Variants in SERPINB8 observed in about 807,000 individuals in gnomAD.
SERPINB8 encodes the protein serpin B8.
Under a neutral mutation model 35.3 loss-of-function variants are expected in SERPINB8, and 25 were observed. That is an observed-to-expected ratio of 0.71 (90% CI 0.52 to 0.99). The LOEUF is 0.99. Among genes scored for constraint, SERPINB8 ranks in the 50% least tolerant of loss-of-function variants. The pLI is 0.00. For synonymous variants in SERPINB8, 186 were observed against 160.8 expected (o/e 1.16, Z -1.19); for missense variants, 484 against 446.5 (o/e 1.08, Z -0.76).
intron 1 of SERPINB8, among the ~76,000 whole-genome samples, chr18:63,994,847 A>G (rs2050841120): frequency 1.3e-5 from 2 of 152,318 alleles, no homozygotes; most frequent in Non-Finnish European, 2.9e-5. Context: ...AAGCCCAGGT[A>G]AACCTCATAA....
At chr18:64,002,500 T>C (rs1285898051) in intron 1 of SERPINB8, among the ~76,000 whole-genome samples, 1 of 152,216 alleles carries the variant, frequency 6.6e-6, no homozygotes, top group Non-Finnish European at 1.5e-5. Context: ...AAAGCGTGGA[T>C]GAGTCCTTTG....
intron 6 of SERPINB8, chr18:63,986,314 A>G (rs1332935090): frequency 1.2e-6 from 2 of 1,608,076 alleles, no homozygotes; most frequent in Non-Finnish European, 8.5e-7. Flanking sequence ...CAGAGGACAA[A>G]CAAGGATGCT....
intron 7 of SERPINB8, among the ~76,000 whole-genome samples, chr18:64,011,581 T>C (rs1016586727): frequency 6.6e-6 from 1 of 152,206 alleles, no homozygotes; most frequent in African/African-American, 2.4e-5. Context: ...TATTTCATCA[T>C]TGGTGCCTAT....
chr18:64,008,401 C>T (rs906307881), downstream of SERPINB8, among the ~76,000 whole-genome samples: 17 of 151,722 alleles, frequency 1.1e-4, no homozygotes, highest in South Asian at 2.1e-4. Flanking sequence ...TGCCACCACG[C>T]GGGCTAATTT....
rs144984916 is a variant in SERPINB8 at position 63,971,165 on chromosome 18, C to T, written c.-11+995C>T. 5.3e-3 allele frequency among the ~76,000 whole-genome samples: 805 copies of T among 152,292 alleles called. 7 individuals carry two copies. Among genetic ancestry groups the T allele is most frequent in the African/African-American group, 0.018 (741 of 41,560 alleles). On this transcript the variant is annotated intron_variant, in intron 1 of 6. Transcript: ENST00000397985. ...GCTGGGTCTCAGTCTCCGTTTCGCGCGCGCGCTCTCCCCTCGCCCTCCTCT... is the reference window on the plus strand; with the variant it reads ...GCTGGGTCTCAGTCTCCGTTTCGCGTGCGCGCTCTCCCCTCGCCCTCCTCT...
Position 63,981,836 on chromosome 18 carries a change from A to C in SERPINB8, c.422A>C (p.Glu141Ala). The change falls in exon 4 of 7, where the codon GAA becomes GCA. Residue 141 changes from glutamate to alanine, a missense_variant and splice_region_variant. Physicochemically the swap from Glu to Ala is moderately radical, Grantham distance 107. Transcript: ENST00000397985. ...AATGACTGGGTGGCAGAGAAGACTG[A>C]AGGTGAGACAGTTTCATTTCTGTTG... Reference protein sequence around the residue: ...HINDWVAEKTEGKISEVLDAG... With the variant: ...HINDWVAEKTAGKISEVLDAG... 1 of 1,591,892 alleles carries C rather than the reference A, an allele frequency of 6.3e-7. No homozygotes were observed.
Position 63,987,387 on chromosome 18 carries a change from G to A in SERPINB8, c.*109G>A. 8.9e-7 allele frequency: 1 copy of A among 1,124,608 alleles called. No homozygotes were observed. The highest frequency in any genetic ancestry group is 1.3e-6 in the Non-Finnish European group (1 of 780,754). The allele number at this position is 1,124,608 out of a possible 1,614,324, so 69.7% of individuals were successfully genotyped here. The stretch of plus-strand genomic sequence containing the variant: ...TGGCTTGAATGCCAAAATAAAGCGT[G>A]TGCACTGGATAGTGTGTGAAAGTCT... On this transcript the variant is annotated 3_prime_UTR_variant, in exon 7 of 7. Coordinates refer to ENST00000397985, the MANE Select transcript of SERPINB8 (RefSeq NM_002640.4).
intron 4 of SERPINB8, among the ~76,000 whole-genome samples, chr18:63,982,087 A>G (rs577846832): frequency 3.3e-5 from 5 of 152,312 alleles, no homozygotes; most frequent in African/African-American, 9.6e-5. Flanking sequence ...AATCCCTGGA[A>G]AATGGCTCCT....
intron 1 of SERPINB8, among the ~76,000 whole-genome samples, chr18:63,974,775 G>T (rs962570466): frequency 6.6e-6 from 1 of 152,148 alleles, no homozygotes; most frequent in Non-Finnish European, 1.5e-5. Flanking sequence ...AAGACAGGGG[G>T]AAGAGTCATT....
intron 4 of SERPINB8, among the ~76,000 whole-genome samples, chr18:63,982,734 C>A (rs1599145023): frequency 1.3e-5 from 2 of 152,288 alleles, no homozygotes; most frequent in South Asian, 4.1e-4. Context: ...TTCTCCACAC[C>A]TTCCCCCCAC....
intron 7 of SERPINB8, among the ~76,000 whole-genome samples, chr18:64,011,428 A>G (rs1052973228): frequency 6.6e-6 from 1 of 152,152 alleles, no homozygotes; most frequent in African/African-American, 2.4e-5. Flanking sequence ...TCAATGTTGG[A>G]CAGATGAACA....
At position 63,989,162 on chromosome 18, in the gene SERPINB8, A is replaced by AGTAT. The variant is rs2050804749; in HGVS notation, c.*1886_*1889dup. ...GAACCATACATCATCTATGCTTTGT[A>AGTAT]GTATGACTCCTGTCACTCAGTACAA... On this transcript the variant is annotated 3_prime_UTR_variant, in exon 7 of 7. Transcript: ENST00000397985. 1.3e-5 allele frequency: 2 copies of AGTAT among 152,364 alleles called. 1 individual carries two copies. The highest frequency in any genetic ancestry group is 4.1e-4 in the South Asian group (2 of 4,832). 9.4% of individuals were successfully genotyped at this position (152,364 alleles called of 1,614,324 possible).
At chr18:63,983,747 T>A in intron 5 of SERPINB8, 26 bp downstream of exon 5, 1 of 1,536,324 alleles carries the variant, frequency 6.5e-7, no homozygotes, top group Non-Finnish European at 9.0e-7. Flanking sequence ...TCAGATATAC[T>A]GCTACTTTCT....
intron 7 of SERPINB8, among the ~76,000 whole-genome samples, chr18:64,017,050 A>G (rs1351393914): frequency 1.3e-5 from 2 of 152,182 alleles, no homozygotes; most frequent in Non-Finnish European, 2.9e-5. Context: ...CCCTCTTCCC[A>G]AGGCCTAACT....
chr18:63,987,452 G>A lies in SERPINB8; in HGVS notation c.*174G>A, dbSNP rs771749542. 36 of 686,932 alleles carry A rather than the reference G, an allele frequency of 5.2e-5. No individual in the cohort carries two copies. The highest frequency in any genetic ancestry group is 6.5e-5 in the South Asian group (3 of 46,106). The allele number at this position is 686,932 out of a possible 1,614,324, so 42.6% of individuals were successfully genotyped here. ...AGAGCCATTGAGAATAACTGAGGCC[G>A]CAGATGCATGAAATTTGGGCCTGGG... is the stretch of plus-strand genomic sequence containing the variant. On this transcript the variant is annotated 3_prime_UTR_variant, in exon 7 of 7. Transcript: ENST00000397985.
At chr18:63,972,423 T>G (rs2050499374) in intron 1 of SERPINB8, among the ~76,000 whole-genome samples, 1 of 152,238 alleles carries the variant, frequency 6.6e-6, no homozygotes, top group African/African-American at 2.4e-5. Context: ...TATTGTTCTG[T>G]ATTCCATTAT....
At chr18:63,984,984 G>T (rs1235939075) in intron 5 of SERPINB8, 109 bp from the exon 6 acceptor site, 2 of 1,018,506 alleles carry the variant, frequency 2.0e-6, no homozygotes, top group Non-Finnish European at 2.9e-6. Flanking sequence ...CAGCATAAAT[G>T]TGCAGAAACA....
In SERPINB8 at chr18:63,970,344, G is replaced by A. The variant is rs113637276; in HGVS notation, c.-11+174G>A. The A allele has an allele frequency of 1.6e-3, 282 of 176,630 alleles. 1 individual carries two copies. The highest frequency in any genetic ancestry group is 6.1e-3 in the African/African-American group (256 of 41,726). The allele number at this position is 176,630 out of a possible 1,614,324, so 10.9% of individuals were successfully genotyped here. On this transcript the variant is annotated intron_variant, in intron 1 of 6. Transcript: ENST00000397985. ...GGAGAATGACGGCGGGAGGCGGCCGGGAAAGAGAGTCGCGGGGCTGTGGGG... is the reference window on the plus strand; with the variant it reads ...GGAGAATGACGGCGGGAGGCGGCCGAGAAAGAGAGTCGCGGGGCTGTGGGG...
intron 1 of SERPINB8, among the ~76,000 whole-genome samples, chr18:63,995,878 C>A (rs936789676): frequency 1.3e-5 from 2 of 152,106 alleles, no homozygotes; most frequent in African/African-American, 4.8e-5. Flanking sequence ...AATCCATCTC[C>A]CTGACCAGCT....
Sources: gnomAD v4.1 joint callset for allele counts (sites outside exome capture counted in the v4.1 genomes callset) on GRCh38, gnomAD v4.1.1 for gene constraint, MANE v1.5 for transcripts, NCBI Gene and HGNC (gene_info 2026-07-23, HGNC 2026-07-21) for gene names.